The following DLEU7 variants were observed in gnomAD, a reference collection of about 807,000 sequenced individuals.
DLEU7 encodes deleted in lymphocytic leukemia 7, also known as leukemia-associated protein 7.
A neutral mutation model predicts 16.0 loss-of-function variants in DLEU7; 17 were observed. The observed-to-expected ratio is 1.06, with a 90% CI of 0.73 to 1.59. DLEU7 has a LOEUF of 1.59. DLEU7 is among the 40% of genes most tolerant of loss of function. DLEU7 has a pLI of 0.00. For missense variants in DLEU7, 308 were observed against 314.9 expected (o/e 0.98, Z 0.17); for synonymous variants, 113 against 139.8 (o/e 0.81, Z 1.35).
rs57294607 is a variant in DLEU7 at position 50,816,894 on chromosome 13, C to CCACACA, written c.459+26288_459+26293dup. Among the ~76,000 whole-genome samples the CCACACA allele has an allele frequency of 7.7e-4, 117 of 151,686 alleles. 1 individual carries two copies. In the South Asian group the frequency reaches 0.023, roughly 30 times the overall value. On this transcript the variant is annotated intron_variant, in intron 1 of 1. Transcript: ENST00000400393. ...CCTCCCTCCATCTGCACTACCCCCGCCACACACACACACGGCGCCAAGCTT... is the reference window on the plus strand; with the variant it reads ...CCTCCCTCCATCTGCACTACCCCCGCCACACACACACACACACACGGCGCCAAGCTT...
chr13:50,717,023 G>GA (rs1873457775), intron 1 of DLEU7, among the ~76,000 whole-genome samples: 1 of 152,034 alleles, frequency 6.6e-6, no homozygotes, highest in African/African-American at 2.4e-5. Context: ...AGAAGTTAAA[G>GA]AAAAAAGATA....
At chr13:50,816,206 C>T (rs1352060137) in intron 1 of DLEU7, among the ~76,000 whole-genome samples, 1 of 151,330 alleles carries the variant, frequency 6.6e-6, no homozygotes, top group Non-Finnish European at 1.5e-5. Flanking sequence ...AATGAGATAA[C>T]TTTTATCTCA....
intron 1 of DLEU7, among the ~76,000 whole-genome samples, chr13:50,763,233 G>C (rs1229019845): frequency 6.6e-6 from 1 of 152,172 alleles, no homozygotes; most frequent in Non-Finnish European, 1.5e-5. Context: ...CCCATTCATT[G>C]TAATAAGGAG....
chr13:50,772,420 T>C lies in DLEU7; in HGVS notation c.460-59180A>G, dbSNP rs193085227. ...GGCTGATACCAGTTGTTCCTTTCCA[T>C]GTTTAGTGCTTCCTTCAAGAGCTCT... On this transcript the variant is annotated intron_variant, in intron 1 of 1. Coordinates refer to the DLEU7 transcript ENST00000400393. Among the ~76,000 whole-genome samples the C allele has an allele frequency of 4.6e-3, 708 of 152,322 alleles. 4 individuals carry two copies. Among genetic ancestry groups the C allele is most frequent in the African/African-American group, 0.016 (680 of 41,576 alleles).
chr13:50,713,272 C>A, intron 1 of DLEU7: 2 of 1,598,696 alleles, frequency 1.3e-6, no homozygotes, highest in Non-Finnish European at 1.7e-6. Flanking sequence ...ATCTCAAATG[C>A]TTGCTTTGCA....
chr13:50,829,298 T>C (rs774485062), intron 1 of DLEU7, among the ~76,000 whole-genome samples: 1 of 152,086 alleles, frequency 6.6e-6, no homozygotes, highest in Non-Finnish European at 1.5e-5. Context: ...TTCCTCAAGA[T>C]CCACATCAAG....
Position 50,843,461 on chromosome 13 carries a change from C to G in DLEU7, c.186G>C (p.Gly62=). ...RRSGPPRARP[G]PGREERGGGV... The stretch of plus-strand genomic sequence containing the variant: ...CCCCGCCCCGCTCCTCGCGCCCGGG[C>G]CCCGGCCGGGCCCGCGGCGGGCCTG... Residue 62 remains glycine, a synonymous_variant, in exon 1 of 2, where the codon GGG becomes GGC. Transcript: ENST00000504404. The surrounding 1 kb of genome is among the most constrained non-coding windows in gnomAD (Gnocchi z 5.7). 1 of 1,325,738 alleles carries G rather than the reference C, an allele frequency of 7.5e-7. No homozygotes were observed. The highest frequency in any genetic ancestry group is 9.6e-7 in the Non-Finnish European group (1 of 1,045,438). 82.1% of individuals were successfully genotyped at this position (1,325,738 alleles called of 1,614,324 possible). A position where few individuals can be genotyped will look rare whatever the true frequency, so the allele number is the denominator to read the frequency against.
At chr13:50,780,010 G>C (rs996126737) in intron 1 of DLEU7, among the ~76,000 whole-genome samples, 1 of 152,092 alleles carries the variant, frequency 6.6e-6, no homozygotes, top group African/African-American at 2.4e-5. Context: ...AGATTAATGT[G>C]TTATCATCTT....
intron 1 of DLEU7, among the ~76,000 whole-genome samples, chr13:50,791,339 C>G (rs1875953671): frequency 6.6e-6 from 1 of 152,158 alleles, no homozygotes; most frequent in African/African-American, 2.4e-5. Context: ...CCGCTTCATG[C>G]CCCTGACAGG....
At chr13:50,777,563 A>G (rs1191608858) in intron 1 of DLEU7, among the ~76,000 whole-genome samples, 1 of 152,204 alleles carries the variant, frequency 6.6e-6, no homozygotes, top group African/African-American at 2.4e-5. Flanking sequence ...ATACTCCTTA[A>G]TAAACCCATG....
intron 1 of DLEU7, among the ~76,000 whole-genome samples, chr13:50,767,182 G>A (rs906603563): frequency 5.3e-5 from 8 of 152,146 alleles, no homozygotes; most frequent in Non-Finnish European, 8.8e-5. Context: ...GTGGCCGGGC[G>A]CGGTGGCTCA....
intron 1 of DLEU7, among the ~76,000 whole-genome samples, chr13:50,770,323 T>A (rs1875258779): frequency 6.6e-6 from 1 of 152,200 alleles, no homozygotes; most frequent in African/African-American, 2.4e-5. Flanking sequence ...ATAGGAGTGG[T>A]GAGAGAGGGC....
chr13:50,769,334 T>C (rs1338078301), intron 1 of DLEU7, among the ~76,000 whole-genome samples: 1 of 152,230 alleles, frequency 6.6e-6, no homozygotes, highest in Non-Finnish European at 1.5e-5. Flanking sequence ...GCCATTGCTT[T>C]TGGTGTTTTA....
At chr13:50,748,014 A>G (rs1448799981) in intron 1 of DLEU7, among the ~76,000 whole-genome samples, 1 of 152,222 alleles carries the variant, frequency 6.6e-6, no homozygotes, top group Non-Finnish European at 1.5e-5. Flanking sequence ...CTAGTGCTTA[A>G]CAAACACCCA....
At chr13:50,738,626 G>A (rs762103259) in intron 1 of DLEU7, among the ~76,000 whole-genome samples, 7 of 152,028 alleles carry the variant, frequency 4.6e-5, no homozygotes, top group Non-Finnish European at 5.9e-5. Context: ...ACATTACCCT[G>A]CTACCTACAC....
At chr13:50,763,234 T>G (rs1358705820) in intron 1 of DLEU7, among the ~76,000 whole-genome samples, 1 of 152,138 alleles carries the variant, frequency 6.6e-6, no homozygotes, top group Non-Finnish European at 1.5e-5. Context: ...CCATTCATTG[T>G]AATAAGGAGG....
At chr13:50,820,849 C>T (rs1876880842), downstream of DLEU7, among the ~76,000 whole-genome samples, 2 of 152,030 alleles carry the variant, frequency 1.3e-5, no homozygotes, top group Non-Finnish European at 2.9e-5. Flanking sequence ...TTTTACTTAA[C>T]CCAACATATT....
At chr13:50,752,165 C>A (rs1874588131) in intron 1 of DLEU7, among the ~76,000 whole-genome samples, 1 of 151,390 alleles carries the variant, frequency 6.6e-6, no homozygotes, top group Non-Finnish European at 1.5e-5. Context: ...CATTCTCCTG[C>A]CTCAGCCTCC....
At chr13:50,711,151 G>A (rs2137696908), downstream of DLEU7, 1 of 152,066 alleles carries the variant, frequency 6.6e-6, no homozygotes, top group Admixed American at 6.6e-5. Context: ...TGCCAATATT[G>A]GTATTTTCTG....
Sources: gnomAD v4.1 joint callset for allele counts (sites outside exome capture counted in the v4.1 genomes callset) on GRCh38, gnomAD v4.1.1 for gene constraint, Gnocchi (gnomAD v3.1) non-coding constraint, MANE v1.5 for transcripts, NCBI Gene and HGNC (gene_info 2026-07-23, HGNC 2026-07-21) for gene names.